The following HEATR4 variants were observed in gnomAD, a reference collection of about 807,000 sequenced individuals.
HEATR4 encodes the protein HEAT repeat containing 4, also known as HEAT repeat-containing protein 4.
HEATR4 carries 95 observed loss-of-function variants against 108.8 expected under a neutral mutation model. The observed-to-expected ratio is 0.87, with a 90% CI of 0.74 to 1.04. The LOEUF (loss-of-function observed/expected upper bound fraction) is 1.04, where lower values mean the gene tolerates loss of function less well. Ranked by LOEUF, HEATR4 falls within the 50% of genes least tolerant of loss-of-function variation. The probability of loss-of-function intolerance (pLI) is 0.00; values close to 1 mark genes in which losing one functional copy is unlikely to be tolerated. For missense variants in HEATR4, 1,152 were observed against 1,253.8 expected (o/e 0.92, Z 1.23); for synonymous variants, 443 against 459.4 (o/e 0.96, Z 0.46).
At chr14:73,616,925 A>G in the HEATR4 span, 1 of 581,690 alleles carries the variant, frequency 1.7e-6, no homozygotes, top group Non-Finnish European at 3.1e-6. Flanking sequence ...CCTTGGCTTC[A>G]AAAACTTGTT....
intron 2 of HEATR4, among the ~76,000 whole-genome samples, chr14:73,526,519 A>C (rs1888345381): frequency 6.6e-6 from 1 of 152,102 alleles, no homozygotes; most frequent in African/African-American, 2.4e-5. Context: ...CAGCTCAGGG[A>C]GAGACTCCTA....
At chr14:73,496,545 A>T in intron 15 of HEATR4, 56 bp downstream of exon 15, 1 of 1,059,382 alleles carries the variant, frequency 9.4e-7, no homozygotes, top group Non-Finnish European at 1.5e-6. Context: ...ACAGGGTCTG[A>T]GGAACTCTTG....
chr14:73,590,210 G>C, the HEATR4 span, among the ~76,000 whole-genome samples: 2 of 152,184 alleles, frequency 1.3e-5, no homozygotes, highest in African/African-American at 4.8e-5. Flanking sequence ...CGTTTTGACA[G>C]GGTGCTGATT....
chr14:73,607,453 C>T, the HEATR4 span, among the ~76,000 whole-genome samples: 1 of 152,172 alleles, frequency 6.6e-6, no homozygotes, highest in African/African-American at 2.4e-5. Flanking sequence ...AATCATTTTT[C>T]CCTTCTAGGC....
At chr14:73,585,085 A>AGC in the HEATR4 span, among the ~76,000 whole-genome samples, 2 of 151,210 alleles carry the variant, frequency 1.3e-5, no homozygotes, top group African/African-American at 4.9e-5. Flanking sequence ...CTGTGTGGGC[A>AGC]GCTCCCCCAC....
chr14:73,599,551 CAT>C, the HEATR4 span, among the ~76,000 whole-genome samples: 1 of 152,108 alleles, frequency 6.6e-6, no homozygotes, highest in Non-Finnish European at 1.5e-5. Context: ...CCCCCTAAAT[CAT>C]ATCCCTTCCT....
Position 73,492,812 on chromosome 14 carries a change from C to A in HEATR4, c.2844+254G>T. On this transcript the variant is annotated intron_variant, in intron 17 of 17. Transcript: ENST00000553558. This position sits in a 1 kb window ranked among gnomAD's most constrained non-coding sequence, Gnocchi z 4.9. Reference sequence around the variant, plus strand: ...GCAAGCTGATGCCATGGAACTGTTGCTTGGTTCTTATCCAGAGTTTGTGAG... The same window carrying A: ...GCAAGCTGATGCCATGGAACTGTTGATTGGTTCTTATCCAGAGTTTGTGAG... 2 of 1,613,956 alleles carry A rather than the reference C, an allele frequency of 1.2e-6. No homozygotes were observed. The highest frequency in any genetic ancestry group is 1.7e-6 in the Non-Finnish European group (2 of 1,179,900).
the HEATR4 span, among the ~76,000 whole-genome samples, chr14:73,576,904 A>C: frequency 6.7e-6 from 1 of 149,972 alleles, no homozygotes; most frequent in Non-Finnish European, 1.5e-5. Context: ...AAAGGAAAAA[A>C]AACCTTAATT....
At chr14:73,494,344 G>T (rs953976605) in intron 16 of HEATR4, among the ~76,000 whole-genome samples, 23 of 152,116 alleles carry the variant, frequency 1.5e-4, no homozygotes, top group African/African-American at 5.6e-4. Flanking sequence ...GTATATTTTG[G>T]TACAGTTTGA....
At chr14:73,587,751 CT>C in the HEATR4 span, among the ~76,000 whole-genome samples, 1 of 152,200 alleles carries the variant, frequency 6.6e-6, no homozygotes, top group Non-Finnish European at 1.5e-5. Flanking sequence ...TTTATCTCCC[CT>C]GACTTGTTTC....
chr14:73,625,976 T>C, the HEATR4 span, among the ~76,000 whole-genome samples: 3 of 152,358 alleles, frequency 2.0e-5, no homozygotes, highest in South Asian at 4.1e-4. Context: ...AAAGCCAAGA[T>C]AGGCTGAAAG....
intron 14 of HEATR4, among the ~76,000 whole-genome samples, chr14:73,497,040 C>T (rs187637232): frequency 6.6e-6 from 1 of 152,306 alleles, no homozygotes; most frequent in Admixed American, 6.5e-5. Flanking sequence ...GGACTACAGG[C>T]GCGTGCCATC....
intron 17 of HEATR4, among the ~76,000 whole-genome samples, chr14:73,483,568 AAT>A (rs1245246041): frequency 6.6e-6 from 1 of 152,206 alleles, no homozygotes; most frequent in African/African-American, 2.4e-5. Context: ...ATGAAAAATA[AAT>A]ACTTTCAAGC....
the HEATR4 span, chr14:73,612,957 T>C: frequency 8.0e-7 from 1 of 1,244,038 alleles, no homozygotes; most frequent in Admixed American, 3.2e-5. Flanking sequence ...AAGCGCGACT[T>C]TCTCCGGCCG....
chr14:73,488,415 G>A (rs374501045), intron 17 of HEATR4, among the ~76,000 whole-genome samples: 1 of 151,976 alleles, frequency 6.6e-6, no homozygotes, highest in Non-Finnish European at 1.5e-5. Flanking sequence ...GGATGACAGG[G>A]GCGTGCCACT....
chr14:73,561,098 G>T (rs1889525387), upstream of HEATR4, among the ~76,000 whole-genome samples: 1 of 152,146 alleles, frequency 6.6e-6, no homozygotes, highest in Admixed American at 6.6e-5. Flanking sequence ...GGGCGTGGTG[G>T]CTCAGGCCTG....
intron 16 of HEATR4, 102 bp from the exon 17 acceptor site, chr14:73,493,226 T>C (rs1027430670): frequency 2.3e-6 from 2 of 885,192 alleles, no homozygotes; most frequent in Non-Finnish European, 3.7e-6. Flanking sequence ...TTCAGTGTAC[T>C]GGGTAACACT....
intron 17 of HEATR4, among the ~76,000 whole-genome samples, chr14:73,479,387 T>C (rs1885151071): frequency 6.6e-6 from 1 of 151,644 alleles, no homozygotes; most frequent in South Asian, 2.1e-4. Context: ...AGTGCTGGGA[T>C]TACGGTGTCA....
At chr14:73,528,585 G>A (rs972394156) in intron 2 of HEATR4, among the ~76,000 whole-genome samples, 6 of 152,010 alleles carry the variant, frequency 3.9e-5, no homozygotes, top group African/African-American at 1.5e-4. Flanking sequence ...CAGGTGTAAG[G>A]CCAAATTGTG....
Sources: allele counts gnomAD v4.1 joint callset (sites outside exome capture counted in the v4.1 genomes callset), GRCh38; gene constraint gnomAD v4.1.1; non-coding constraint Gnocchi (gnomAD v3.1); transcripts MANE v1.5; gene names NCBI Gene and HGNC (gene_info 2026-07-23, HGNC 2026-07-21).